ARPP21: variants seen among roughly 807,000 people sequenced by gnomAD.
ARPP21 encodes the protein cAMP-regulated phosphoprotein 21.
In ARPP21, 69 loss-of-function variants were observed where a neutral mutation model predicts 113.2. The observed-to-expected ratio is 0.61, with a 90% CI of 0.50 to 0.74. The LOEUF (loss-of-function observed/expected upper bound fraction) is 0.74, where lower values mean the gene tolerates loss of function less well. Among genes scored for constraint, ARPP21 ranks in the 30% least tolerant of loss-of-function variants. The probability of loss-of-function intolerance (pLI) is 0.00; values close to 1 mark genes in which losing one functional copy is unlikely to be tolerated. For synonymous variants in ARPP21, 368 were observed against 375.5 expected, an observed-to-expected ratio of 0.98 and a Z score of 0.23; for missense variants, 1,070 against 1,037.4, an observed-to-expected ratio of 1.03 and a Z score of -0.43.
At chr3:35,774,440 T>C (rs919651149) in intron 19 of ARPP21, among the ~76,000 whole-genome samples, 1 of 152,304 alleles carries the variant, frequency 6.6e-6, no homozygotes, top group East Asian at 1.9e-4. Context: ...CTAAGTGACA[T>C]TGAATTGCTC....
At chr3:35,705,454 G>T (rs1421475388) in intron 9 of ARPP21, among the ~76,000 whole-genome samples, 1 of 152,070 alleles carries the variant, frequency 6.6e-6, no homozygotes, top group Non-Finnish European at 1.5e-5. Flanking sequence ...GCACTTTCAG[G>T]TTTTTGGTTA....
chr3:35,729,669 G>A, intron 15 of ARPP21, 133 bp downstream of exon 15: 1 of 728,400 alleles, frequency 1.4e-6, no homozygotes, highest in South Asian at 1.8e-5. Context: ...CTGTTATGAA[G>A]CATTTTTGTT....
chr3:35,639,036 G>C (rs1697403803), upstream of ARPP21: 1 of 152,270 alleles, frequency 6.6e-6, no homozygotes, highest in Non-Finnish European at 1.5e-5. The surrounding 1 kb of genome is among the most constrained non-coding windows in gnomAD (Gnocchi z 5.0). Context: ...AGACGGGTAC[G>C]CTGGAGGGCC....
At chr3:35,776,482 G>T (rs939400404) in intron 19 of ARPP21, among the ~76,000 whole-genome samples, 3 of 152,116 alleles carry the variant, frequency 2.0e-5, no homozygotes, top group African/African-American at 7.2e-5. Context: ...ATGACACGGA[G>T]CTCCACTTAA....
At chr3:35,728,763 C>T (rs553059585) in intron 14 of ARPP21, among the ~76,000 whole-genome samples, 1 of 152,214 alleles carries the variant, frequency 6.6e-6, no homozygotes, top group East Asian at 1.9e-4. Context: ...GTCTTCTACT[C>T]ACACATGAAG....
chr3:35,673,311 A>G (rs1203885626), intron 1 of ARPP21, among the ~76,000 whole-genome samples: 1 of 151,922 alleles, frequency 6.6e-6, no homozygotes, highest in African/African-American at 2.4e-5. Flanking sequence ...CACAGATTCT[A>G]TATGCTCACA....
chr3:35,749,035 T>C (rs2095300672), intron 19 of ARPP21, among the ~76,000 whole-genome samples: 1 of 152,184 alleles, frequency 6.6e-6, no homozygotes, highest in Non-Finnish European at 1.5e-5. Flanking sequence ...TTAAACATGG[T>C]TACTAGTTTT....
chr3:35,783,689 C>A (rs548121931), intron 19 of ARPP21, among the ~76,000 whole-genome samples: 6 of 152,056 alleles, frequency 3.9e-5, no homozygotes, highest in Non-Finnish European at 8.8e-5. Flanking sequence ...TGCTTATAAA[C>A]CTTATATTGC....
chr3:35,689,686 A>G (rs1055275936), intron 7 of ARPP21, among the ~76,000 whole-genome samples: 1 of 151,644 alleles, frequency 6.6e-6, no homozygotes, highest in African/African-American at 2.4e-5. Context: ...GTTGTCAAAT[A>G]AGCCAATTAT....
chr3:35,653,312 A>G (rs778558624), intron 1 of ARPP21, among the ~76,000 whole-genome samples: 1 of 152,012 alleles, frequency 6.6e-6, no homozygotes, highest in African/African-American at 2.4e-5. Flanking sequence ...TCTTTGTAAT[A>G]TGAATTACCC....
intron 19 of ARPP21, among the ~76,000 whole-genome samples, chr3:35,778,993 T>G (rs1276908837): frequency 6.6e-6 from 1 of 152,228 alleles, no homozygotes; most frequent in Non-Finnish European, 1.5e-5. Flanking sequence ...ATTTCTAAAC[T>G]TTGGGATAGA....
At chr3:35,724,382 T>C (rs945384609) in intron 14 of ARPP21, among the ~76,000 whole-genome samples, 11 of 152,198 alleles carry the variant, frequency 7.2e-5, no homozygotes, top group South Asian at 4.1e-4. Flanking sequence ...TCTTACCACA[T>C]TGGCCTAGCT....
chr3:35,730,339 TG>T (rs1292130331), intron 15 of ARPP21, among the ~76,000 whole-genome samples: 3 of 152,234 alleles, frequency 2.0e-5, no homozygotes, highest in Admixed American at 2.0e-4. Flanking sequence ...TTTTTGTCTC[TG>T]GCCCCAAGGC....
intron 19 of ARPP21, among the ~76,000 whole-genome samples, chr3:35,779,305 A>G (rs1341368603): frequency 6.6e-6 from 1 of 152,218 alleles, no homozygotes; most frequent in African/African-American, 2.4e-5. Context: ...CCAACAAAAC[A>G]GAACACAATT....
chr3:35,674,409 C>T (rs1462848131), intron 1 of ARPP21, among the ~76,000 whole-genome samples: 1 of 151,900 alleles, frequency 6.6e-6, no homozygotes, highest in Non-Finnish European at 1.5e-5. Context: ...GAGGCCATTG[C>T]TCAAGTCTGA....
At chr3:35,714,531 C>T (rs2092042006) in intron 11 of ARPP21, among the ~76,000 whole-genome samples, 1 of 152,152 alleles carries the variant, frequency 6.6e-6, no homozygotes, top group African/African-American at 2.4e-5. Context: ...ACGTATATAG[C>T]AGGATGTGTA....
chr3:35,723,829 A>G (rs1489164628), intron 14 of ARPP21, among the ~76,000 whole-genome samples: 1 of 152,220 alleles, frequency 6.6e-6, no homozygotes, highest in African/African-American at 2.4e-5. Context: ...AAGTGTCTCC[A>G]TTTGAAAGCT....
At position 35,737,272 on chromosome 3, in the gene ARPP21, A is replaced by C; in HGVS notation, c.1554A>C (p.Gln518His). The change falls in exon 16 of 21, where the codon CAA becomes CAC. Residue 518 changes from glutamine (Q) to histidine (H), a missense_variant. Gln to His is a conservative substitution (Grantham distance 24). Coordinates refer to ENST00000684406, the MANE Select transcript of ARPP21 (RefSeq NM_001385562.1). ...PLRSAMVGQS[Q>H]QQPPQQQPSP... Reference sequence around the variant, plus strand: ...GAAGCGCCATGGTGGGGCAGTCCCAACAGCAGCCACCACAGCAGCAGCCCT... The same window carrying C: ...GAAGCGCCATGGTGGGGCAGTCCCACCAGCAGCCACCACAGCAGCAGCCCT... 1.9e-6 allele frequency: 3 copies of C among 1,612,410 alleles called. No individual in the cohort carries two copies. Among genetic ancestry groups the C allele is most frequent in the Non-Finnish European group, 2.5e-6 (3 of 1,178,756 alleles).
intron 19 of ARPP21, among the ~76,000 whole-genome samples, chr3:35,775,355 A>C (rs2096328490): frequency 6.6e-6 from 1 of 152,222 alleles, no homozygotes; most frequent in African/African-American, 2.4e-5. Flanking sequence ...TCATTTCAAC[A>C]AAACTTTCAC....
Sources: gnomAD v4.1 joint callset for allele counts (sites outside exome capture counted in the v4.1 genomes callset) on GRCh38, gnomAD v4.1.1 for gene constraint, Gnocchi (gnomAD v3.1) non-coding constraint, MANE v1.5 for transcripts, NCBI Gene and HGNC (gene_info 2026-07-23, HGNC 2026-07-21) for gene names.